C4orf50: variants seen among roughly 807,000 people sequenced by gnomAD.
C4orf50 encodes the protein uncharacterized protein C4orf50.
C4orf50 carries 80 observed loss-of-function variants against 77.2 expected under a neutral mutation model. The ratio of observed to expected loss-of-function variants is 1.04; its 90% confidence interval spans 0.87 to 1.25. The LOEUF (loss-of-function observed/expected upper bound fraction) is 1.25, where lower values mean the gene tolerates loss of function less well. C4orf50 is among the 50% of genes most tolerant of loss of function. The pLI is 0.00. For missense variants in C4orf50, 1,257 were observed against 1,152.9 expected (o/e 1.09, Z -1.31); for synonymous variants, 532 against 465.3 (o/e 1.14, Z -1.84).
At chr4:5,959,192 A>T in exon 34 of C4orf50, 1 of 679,410 alleles carries the variant, frequency 1.5e-6, no homozygotes, top group Non-Finnish European at 2.4e-6. Flanking sequence ...AGAATTTGCC[A>T]GGCACAGGCC....
exon 28 of C4orf50, chr4:5,989,402 T>C (rs1721116440): frequency 1.3e-6 from 2 of 1,535,974 alleles, no homozygotes; most frequent in African/African-American, 1.4e-5. Flanking sequence ...GCCGTGGTCT[T>C]TCCCGGCTTA....
intron 7 of C4orf50, among the ~76,000 whole-genome samples, chr4:5,910,820 C>A (rs1055538971): frequency 4.0e-5 from 6 of 151,890 alleles, no homozygotes; most frequent in Non-Finnish European, 8.8e-5. Context: ...GGGGGGGATA[C>A]CTCTCTATTG....
exon 32 of C4orf50, chr4:5,967,457 G>A (rs2108769397): frequency 1.9e-6 from 3 of 1,613,812 alleles, no homozygotes; most frequent in Non-Finnish European, 2.5e-6. Context: ...CCAGGTGGTG[G>A]CTTGTCTGCA....
At chr4:6,004,666 A>G (rs1722166164) in intron 25 of C4orf50, among the ~76,000 whole-genome samples, 1 of 133,150 alleles carries the variant, frequency 7.5e-6, no homozygotes, top group Non-Finnish European at 1.6e-5. Context: ...TGATGATGTG[A>G]TGGTGATGTT....
chr4:6,004,051 A>ATGGTGATGATAG (rs1722031795), intron 25 of C4orf50, among the ~76,000 whole-genome samples: 1 of 51,720 alleles, frequency 1.9e-5, no homozygotes, highest in African/African-American at 7.5e-5. Flanking sequence ...GGTGATGGTG[A>ATGGTGATGATAG]TGATGGTGAT....
chr4:5,923,688 T>C (rs1717386530), intron 7 of C4orf50, among the ~76,000 whole-genome samples: 1 of 152,210 alleles, frequency 6.6e-6, no homozygotes, highest in South Asian at 2.1e-4. Flanking sequence ...TCCCACAAAT[T>C]TCCTTCCAAT....
chr4:5,909,688 TG>T (rs1210826312), intron 7 of C4orf50, among the ~76,000 whole-genome samples: 1 of 152,244 alleles, frequency 6.6e-6, no homozygotes, highest in Non-Finnish European at 1.5e-5. Context: ...TTATAAGTGG[TG>T]AGAGATAGGG....
chr4:5,952,564 G>T (rs928465037), downstream of C4orf50, among the ~76,000 whole-genome samples: 5 of 152,204 alleles, frequency 3.3e-5, no homozygotes, highest in African/African-American at 1.2e-4. The surrounding 1 kb of genome is among the most constrained non-coding windows in gnomAD (Gnocchi z 4.4). Context: ...GAAGGTCCTT[G>T]GCTGGGGACC....
chr4:5,988,746 C>G lies in C4orf50; in HGVS notation c.3300G>C (p.Glu1100Asp), dbSNP rs567969253. ...TGCTCCTCTGCAAGGTGACTTCCCT[C>G]TCCAGGACATGGACCCTGCGTAGAA... Residue 1100 changes from glutamate (E) to aspartate (D), a missense_variant, in exon 28 of 34, where the codon GAG (glutamate) becomes GAC (aspartate). Physicochemically the swap from Glu to Asp is conservative, Grantham distance 45. Coordinates refer to ENST00000531445, the Ensembl canonical transcript of C4orf50. The G allele has an allele frequency of 8.1e-5, 124 of 1,536,114 alleles. No homozygotes were observed. The African/African-American group carries it at 1.6e-3, about 20-fold the overall frequency.
chr4:5,921,840 G>A (rs1416693024), intron 7 of C4orf50, among the ~76,000 whole-genome samples: 1 of 152,226 alleles, frequency 6.6e-6, no homozygotes, highest in Non-Finnish European at 1.5e-5. Context: ...GGTGCTGGGA[G>A]GTGAGGAAAT....
intron 25 of C4orf50, among the ~76,000 whole-genome samples, chr4:6,004,047 G>T (rs375896487): frequency 1.1e-5 from 1 of 93,842 alleles, no homozygotes; most frequent in Non-Finnish European, 2.3e-5. Context: ...TGATGGTGAT[G>T]GTGATGATGG....
exon 28 of C4orf50, chr4:5,989,851 A>T: frequency 1.4e-6 from 2 of 1,462,450 alleles, no homozygotes; most frequent in Non-Finnish European, 1.8e-6. Flanking sequence ...TTGATGCGGC[A>T]TCTCATCCTC....
rs1413094313 is a variant in C4orf50, at chr4:5,919,655, G to A, written c.*2475-21467C>T. On this transcript the variant is annotated intron_variant, in intron 7 of 7. Transcript: ENST00000324058. This position sits in a 1 kb window ranked among gnomAD's most constrained non-coding sequence, Gnocchi z 6.5. ...CCCAGGTCAGCAAACGCCACACTGA[G>A]ACACTGAGTAGTCAGGCCTTTGCGA... 6.6e-6 allele frequency among the ~76,000 whole-genome samples: 1 copy of A among 152,188 alleles called. No individual in the cohort carries two copies. Among genetic ancestry groups the A allele is most frequent in the Non-Finnish European group, 1.5e-5 (1 of 68,028 alleles).
At chr4:5,922,831 C>G (rs770889528) in intron 7 of C4orf50, among the ~76,000 whole-genome samples, 1 of 152,198 alleles carries the variant, frequency 6.6e-6, no homozygotes, top group African/African-American at 2.4e-5. Flanking sequence ...AAGTAACACA[C>G]AACTCATGGT....
chr4:5,930,987 C>A (rs566626169), intron 7 of C4orf50, among the ~76,000 whole-genome samples: 22 of 152,256 alleles, frequency 1.4e-4, no homozygotes, highest in African/African-American at 3.6e-4. Context: ...ACGCCTCGTG[C>A]ATAAATGAGC....
In C4orf50 at chr4:5,992,705, C is replaced by T; in HGVS notation, c.1221+98G>A. ...TCTCCCAGACCTGGAGCTTCTTTACCCCTCCCACATCCTGCGTGTGGCCAC... is the reference window on the plus strand; with the variant it reads ...TCTCCCAGACCTGGAGCTTCTTTACTCCTCCCACATCCTGCGTGTGGCCAC... On this transcript the variant is annotated intron_variant, in intron 27 of 33. Transcript: ENST00000531445. The surrounding 1 kb of genome is among the most constrained non-coding windows in gnomAD (Gnocchi z 5.0). The T allele has an allele frequency of 2.5e-6, 1 of 397,552 alleles. No homozygotes were observed. Among genetic ancestry groups the T allele is most frequent in the Admixed American group, 4.4e-5 (1 of 22,690 alleles). The allele number at this position is 397,552 out of a possible 1,614,324, so 24.6% of individuals were successfully genotyped here. A position where few individuals can be genotyped will look rare whatever the true frequency, so the allele number is the denominator to read the frequency against.
intron 33 of C4orf50, among the ~76,000 whole-genome samples, chr4:5,963,570 G>C (rs980133382): frequency 6.6e-6 from 1 of 151,996 alleles, no homozygotes; most frequent in Non-Finnish European, 1.5e-5. Context: ...AGATATTATT[G>C]TCTCTTTTAT....
At chr4:5,921,261 A>G (rs796272129) in intron 7 of C4orf50, among the ~76,000 whole-genome samples, 47 of 152,292 alleles carry the variant, frequency 3.1e-4, no homozygotes, top group African/African-American at 1.1e-3. Context: ...AGACTCTTCA[A>G]TAAATCTGCA....
chr4:5,994,268 A>C, intron 26 of C4orf50, 79 bp downstream of exon 4: 1 of 398,256 alleles, frequency 2.5e-6, no homozygotes, highest in Non-Finnish European at 4.4e-6. Context: ...TCATCGGGAC[A>C]TGATAAGGAG....
Sources: gnomAD v4.1 joint callset for allele counts (sites outside exome capture counted in the v4.1 genomes callset) on GRCh38, gnomAD v4.1.1 for gene constraint, Gnocchi (gnomAD v3.1) non-coding constraint, MANE v1.5 for transcripts, NCBI Gene and HGNC (gene_info 2026-07-23, HGNC 2026-07-21) for gene names.